The following SNX25 variants were observed in gnomAD, a reference collection of about 807,000 sequenced individuals.
SNX25 encodes the protein sorting nexin 25, also known as sorting nexin-25.
In SNX25, 62 loss-of-function variants were observed where a neutral mutation model predicts 113.7. The observed-to-expected ratio is 0.55, with a 90% CI of 0.44 to 0.67. The LOEUF (loss-of-function observed/expected upper bound fraction) is 0.67, where lower values mean the gene tolerates loss of function less well. SNX25 is among the 30% of genes least tolerant of loss of function. The pLI is 0.00. For missense variants in SNX25, 1,014 were observed against 1,161.0 expected (o/e 0.87, Z 1.84); for synonymous variants, 421 against 436.2 (o/e 0.97, Z 0.43).
At chr4:185,321,904 G>A (rs189193774) in intron 8 of SNX25, among the ~76,000 whole-genome samples, 2 of 152,254 alleles carry the variant, frequency 1.3e-5, no homozygotes, top group Admixed American at 1.3e-4. Context: ...ATCTAGAGAG[G>A]ATTTAAAATA....
chr4:185,283,297 G>A (rs1750905364), intron 5 of SNX25, among the ~76,000 whole-genome samples: 1 of 152,186 alleles, frequency 6.6e-6, no homozygotes, highest in African/African-American at 2.4e-5. Flanking sequence ...CTATAGCAGA[G>A]AACTCTTAAG....
At chr4:185,250,736 T>A (rs1166750303) in intron 2 of SNX25, among the ~76,000 whole-genome samples, 3 of 146,642 alleles carry the variant, frequency 2.0e-5, no homozygotes, top group Non-Finnish European at 4.6e-5. Context: ...TTTTTTTTTT[T>A]ACTTTTGTGG....
At chr4:185,288,540 CTTTA>C (rs749686681) in intron 6 of SNX25, among the ~76,000 whole-genome samples, 8 of 119,186 alleles carry the variant, frequency 6.7e-5, no homozygotes, top group Middle Eastern at 6.3e-3. Context: ...AATCTTTTTC[CTTTA>C]TTTAAGCATT....
In SNX25 at chr4:185,351,594, C is replaced by A; in HGVS notation, c.2451C>A (p.Phe817Leu). 1 of 1,613,998 alleles carries A rather than the reference C, an allele frequency of 6.2e-7. No individual in the cohort carries two copies. Among genetic ancestry groups the A allele is most frequent in the Non-Finnish European group, 8.5e-7 (1 of 1,179,962 alleles). The change falls in exon 14 of 19, where the codon TTC becomes TTA. Residue 817 changes from phenylalanine to leucine, a missense_variant. Physicochemically the swap from Phe to Leu is conservative, Grantham distance 22. Coordinates refer to ENST00000652585, the MANE Select transcript of SNX25 (RefSeq NM_001378034.2). Reference sequence around the variant, plus strand: ...TTTTGGAAAGACTTCCTCGCGACTTCTTCTCCCACCAGGAGGTGAGCCGTT... The same window carrying A: ...TTTTGGAAAGACTTCCTCGCGACTTATTCTCCCACCAGGAGGTGAGCCGTT... ...SSFLERLPRD[F>L]FSHQEEETEE...
intron 7 of SNX25, among the ~76,000 whole-genome samples, chr4:185,319,107 T>A (rs532072502): frequency 1.4e-3 from 207 of 150,264 alleles, no homozygotes; most frequent in Middle Eastern, 6.8e-3. Flanking sequence ...TTTATTTTTT[T>A]TTTTTTAAAG....
In SNX25 at chr4:185,264,565, T is replaced by G. The variant is rs192575280; in HGVS notation, c.859T>G (p.Ser287Ala). 1 of 1,614,032 alleles carries G rather than the reference T, an allele frequency of 6.2e-7. No individual in the cohort carries two copies. The highest frequency in any genetic ancestry group is 8.5e-7 in the Non-Finnish European group (1 of 1,179,928). ...TCTCCTCCCCTCAAAGGATGTGCAG[T>G]CTCTCAGCTTACGTATAATGCTTGC... is the stretch of plus-strand genomic sequence containing the variant. ...FCLLPSKDVQ[S>A]LSLRIMLAEI... is the part of the protein sequence containing the mutation. The change falls in exon 4 of 19, where the codon TCT (serine) becomes GCT (alanine). Residue 287 changes from serine to alanine, a missense_variant. Coordinates refer to ENST00000652585, the MANE Select transcript of SNX25 (RefSeq NM_001378034.2).
chr4:185,211,556 G>A (rs917650423), intron 1 of SNX25, among the ~76,000 whole-genome samples: 1 of 152,146 alleles, frequency 6.6e-6, no homozygotes, highest in African/African-American at 2.4e-5. Context: ...CTTGAGTACT[G>A]TAAGATGTTA....
intron 6 of SNX25, among the ~76,000 whole-genome samples, chr4:185,290,899 A>C (rs984559434): frequency 3.3e-5 from 5 of 152,220 alleles, no homozygotes; most frequent in Non-Finnish European, 7.3e-5. Context: ...TTTTTAAAGA[A>C]AAAAAGACAA....
At chr4:185,378,030 ATGAACTGT>A in the SNX25 span, 1 of 1,432,632 alleles carries the variant, frequency 7.0e-7, no homozygotes. Context: ...AGCATGCAAA[ATGAACTGT>A]TAAAGTGTTT....
chr4:185,267,035 T>C lies in SNX25; in HGVS notation c.971T>C (p.Leu324Pro). 1 of 1,614,070 alleles carries C rather than the reference T, an allele frequency of 6.2e-7. No homozygotes were observed. The highest frequency in any genetic ancestry group is 8.5e-7 in the Non-Finnish European group (1 of 1,179,952). Residue 324 changes from leucine (L) to proline (P), a missense_variant, in exon 5 of 19, where the codon CTG becomes CCG. By Grantham distance (98) the Leu-to-Pro change is moderately conservative. Transcript: ENST00000652585. The stretch of plus-strand genomic sequence containing the variant: ...ATTAACCAAATGCTGCTTGCCCAGC[T>C]GGCGTACAGAGAGCAAATGAATGAG... ...DYINQMLLAQ[L>P]AYREQMNEHH...
chr4:185,371,959 G>A (rs1406388049), downstream of SNX25, among the ~76,000 whole-genome samples: 1 of 152,212 alleles, frequency 6.6e-6, no homozygotes, highest in Non-Finnish European at 1.5e-5. Flanking sequence ...GGCCACTCTA[G>A]AGTACACCCA....
At position 185,347,852 on chromosome 4, in the gene SNX25, A is replaced by G. The variant is rs138722186; in HGVS notation, c.2301+1202A>G. On this transcript the variant is annotated intron_variant, in intron 13 of 18. Transcript: ENST00000652585. ...TGGGTTTGTCCATGTTCTGGATCTG[A>G]GTTCCTTGTCAGATCTTACGTGCTA... Among the ~76,000 whole-genome samples the G allele has an allele frequency of 7.0e-3, 1,071 of 152,226 alleles. 9 individuals carry two copies. Among genetic ancestry groups the G allele is most frequent in the African/African-American group, 0.024 (999 of 41,534 alleles).
At chr4:185,267,205 C>T (rs747490471) in intron 5 of SNX25, 50 bp downstream of exon 5, 14 of 1,542,162 alleles carry the variant, frequency 9.1e-6, no homozygotes, top group Non-Finnish European at 1.2e-5. Flanking sequence ...TTATCATCCC[C>T]TGCCTAGTTA....
At chr4:185,275,458 G>A (rs1182892807) in intron 5 of SNX25, among the ~76,000 whole-genome samples, 1 of 152,084 alleles carries the variant, frequency 6.6e-6, no homozygotes, top group Non-Finnish European at 1.5e-5. Context: ...GTAAAAGATT[G>A]CAATTAACAA....
rs370484297 is a variant in SNX25, at chr4:185,329,145, G to A, written c.1750-3450G>A. On this transcript the variant is annotated intron_variant, in intron 9 of 18. Transcript: ENST00000652585. ...GACAACTTCTTGCCATTTGCTATTC[G>A]TGGTTATAAAGTTGTCAAGGTCCCT... 3.9e-5 allele frequency among the ~76,000 whole-genome samples: 6 copies of A among 152,156 alleles called. No homozygotes were observed. In the South Asian group the frequency reaches 6.2e-4, roughly 16 times the overall value.
intron 16 of SNX25, among the ~76,000 whole-genome samples, chr4:185,360,803 C>A (rs1291054389): frequency 6.6e-6 from 1 of 152,020 alleles, no homozygotes; most frequent in Non-Finnish European, 1.5e-5. Flanking sequence ...CCTGTAGTCC[C>A]AGATACTCGG....
chr4:185,331,202 C>T (rs74719437), intron 9 of SNX25, among the ~76,000 whole-genome samples: 7 of 152,054 alleles, frequency 4.6e-5, no homozygotes, highest in African/African-American at 1.4e-4. Flanking sequence ...TGTAGAAAAA[C>T]GTTTATGCAT....
At chr4:185,362,812 C>A in intron 18 of SNX25, 101 bp downstream of exon 18, 3 of 714,132 alleles carry the variant, frequency 4.2e-6, no homozygotes, top group Non-Finnish European at 7.1e-6. Context: ...CACTCTCATT[C>A]TCACATACTA....
intron 6 of SNX25, among the ~76,000 whole-genome samples, chr4:185,295,445 G>A (rs1419822691): frequency 1.4e-5 from 2 of 142,044 alleles, no homozygotes; most frequent in Admixed American, 7.5e-5. Context: ...GATGTTTCTG[G>A]TGAGTCTTTT....
Sources: gnomAD v4.1 joint callset for allele counts (sites outside exome capture counted in the v4.1 genomes callset) on GRCh38, gnomAD v4.1.1 for gene constraint, MANE v1.5 for transcripts, NCBI Gene and HGNC (gene_info 2026-07-23, HGNC 2026-07-21) for gene names.